Variants in NEURL4 observed in about 807,000 individuals in gnomAD.
The protein encoded by NEURL4 is neuralized-like protein 4.
In NEURL4, 45 loss-of-function variants were observed where a neutral mutation model predicts 148.0. The observed-to-expected ratio is 0.30, with a 90% CI of 0.24 to 0.39. The LOEUF (loss-of-function observed/expected upper bound fraction) is 0.39. Ranked by LOEUF, NEURL4 falls within the 10% of genes least tolerant of loss-of-function variation. The pLI, the probability that NEURL4 is intolerant of heterozygous loss-of-function variation, is 1.00. For synonymous variants in NEURL4, 854 were observed against 869.0 expected (o/e 0.98, Z 0.30); for missense variants, 1,776 against 2,144.0 (o/e 0.83, Z 3.39).
chr17:7,325,146 C>CGGGGGG, intron 8 of NEURL4, 63 bp downstream of exon 8: 2 of 401,118 alleles, frequency 5.0e-6, no homozygotes, highest in Non-Finnish European at 9.0e-6. Flanking sequence ...CACTTCCTTG[C>CGGGGGG]CCCGCCCCCC....
chr17:7,319,516 C>G (rs2072999658), intron 21 of NEURL4, among the ~76,000 whole-genome samples: 1 of 150,026 alleles, frequency 6.7e-6, no homozygotes, highest in Non-Finnish European at 1.5e-5. Context: ...GCCTGACCAA[C>G]ATGGTGAAAC....
chr17:7,316,108 G>C lies in NEURL4; in HGVS notation c.*15C>G. ...CCGCGGCCCGACTGTGCTTGTAGTAGTGGTGTCTCACCCCTCATTCCACCC... is the reference window on the plus strand; with the variant it reads ...CCGCGGCCCGACTGTGCTTGTAGTACTGGTGTCTCACCCCTCATTCCACCC... On this transcript the variant is annotated 3_prime_UTR_variant, in exon 29 of 29. Transcript: ENST00000399464. The C allele has an allele frequency of 7.6e-7, 1 of 1,309,692 alleles. No homozygotes were observed. The highest frequency in any genetic ancestry group is 1.1e-6 in the Non-Finnish European group (1 of 902,262). 81.1% of individuals were successfully genotyped at this position (1,309,692 alleles called of 1,614,324 possible).
rs757971386 is a variant in NEURL4, at chr17:7,326,473, A to G, written c.1168T>C (p.Leu390=). Residue 390 remains leucine, a synonymous_variant, in exon 5 of 29, where the codon TTG becomes CTG. Transcript: ENST00000399464. The surrounding 1 kb of genome is among the most constrained non-coding windows in gnomAD (Gnocchi z 6.0). ...TTGGTCATGGTGGCTGGGTACTCCA[A>G]ACTGTTGGGGTTGTGGGTGGTGACC... ...IGVTTHNPNS[L]EYPATMTNLQ... is the part of the protein sequence containing the mutation. The G allele has an allele frequency of 1.9e-6, 3 of 1,614,092 alleles. No homozygotes were observed. The highest frequency in any genetic ancestry group is 2.5e-6 in the Non-Finnish European group (3 of 1,180,006).
chr17:7,329,206 C>G lies in NEURL4; in HGVS notation c.107G>C (p.Gly36Ala). The G allele has an allele frequency of 6.4e-7, 1 of 1,562,768 alleles. No homozygotes were observed. Among genetic ancestry groups the G allele is most frequent in the Non-Finnish European group, 8.6e-7 (1 of 1,160,054 alleles). Residue 36 changes from glycine (G) to alanine (A), a missense_variant, in exon 1 of 29, where the codon GGG becomes GCG. Coordinates refer to ENST00000399464, the MANE Select transcript of NEURL4 (RefSeq NM_032442.3). ...CAGTTCCCCGCCGCTGCCCAGACCCCCGTTGGACCCCGGTCCTGAGCCGCT... is the reference window on the plus strand; with the variant it reads ...CAGTTCCCCGCCGCTGCCCAGACCCGCGTTGGACCCCGGTCCTGAGCCGCT... ...SGSGSGPGSNGGLGSGGELHP... is the reference protein window; with the variant it reads ...SGSGSGPGSNAGLGSGGELHP...
Position 7,318,827 on chromosome 17 carries a change from C to A in NEURL4, c.3685-153G>T. 7.2e-6 allele frequency: 7 copies of A among 966,516 alleles called. No homozygotes were observed. The highest frequency in any genetic ancestry group is 1.1e-5 in the Non-Finnish European group (7 of 661,996). 59.9% of individuals were successfully genotyped at this position (966,516 alleles called of 1,614,324 possible). On this transcript the variant is annotated intron_variant, in intron 22 of 28. Coordinates refer to ENST00000399464, the MANE Select transcript of NEURL4 (RefSeq NM_032442.3). This position sits in a 1 kb window ranked among gnomAD's most constrained non-coding sequence, Gnocchi z 4.3. Reference sequence around the variant, plus strand: ...CTCCCACTGCAGTTACCTAGAGCCCCTCCCCTTCCCCAAAACTGGCACATT... The same window carrying A: ...CTCCCACTGCAGTTACCTAGAGCCCATCCCCTTCCCCAAAACTGGCACATT...
Position 7,321,645 on chromosome 17 carries a change from G to C in NEURL4, c.3014C>G (p.Thr1005Ser), listed in dbSNP as rs1335696402. 1 of 1,613,978 alleles carries C rather than the reference G, an allele frequency of 6.2e-7. No individual in the cohort carries two copies. Among genetic ancestry groups the C allele is most frequent in the South Asian group, 1.1e-5 (1 of 91,088 alleles). Residue 1005 changes from threonine to serine, a missense_variant, in exon 18 of 29, where the codon ACC becomes AGC. Thr to Ser is a moderately conservative substitution (Grantham distance 58). Coordinates refer to ENST00000399464, the MANE Select transcript of NEURL4 (RefSeq NM_032442.3). The surrounding 1 kb of genome is among the most constrained non-coding windows in gnomAD (Gnocchi z 6.3). ...PPSLPELRTK[T>S]TWMVSSCEVR... is the part of the protein sequence containing the mutation. ...TTCACAGCTGGATACCATCCAAGTG[G>C]TCTTCGTCCGGAGCTCTGGCAGGGA...
Position 7,318,052 on chromosome 17 carries a change from C to A in NEURL4, c.4060+13G>T. 3.1e-6 allele frequency: 5 copies of A among 1,614,012 alleles called. No individual in the cohort carries two copies. The highest frequency in any genetic ancestry group is 4.2e-6 in the Non-Finnish European group (5 of 1,179,840). ...TGGGAATGAAGTCAGTTCTGGCGGA[C>A]TGTGGGACTCACCGGGAAGCAGCAG... On this transcript the variant is annotated intron_variant, in intron 25 of 28. Coordinates refer to ENST00000399464, the MANE Select transcript of NEURL4 (RefSeq NM_032442.3). The surrounding 1 kb of genome is among the most constrained non-coding windows in gnomAD (Gnocchi z 4.3).
chr17:7,327,222 C>T lies in NEURL4; in HGVS notation c.736G>A (p.Val246Met), dbSNP rs1185671085. 6.2e-7 allele frequency: 1 copy of T among 1,610,072 alleles called. No homozygotes were observed. Among genetic ancestry groups the T allele is most frequent in the Non-Finnish European group, 8.5e-7 (1 of 1,178,964 alleles). Residue 246 changes from valine (V) to methionine (M), a missense_variant, in exon 3 of 29, where the codon GTG becomes ATG. Coordinates refer to ENST00000399464, the MANE Select transcript of NEURL4 (RefSeq NM_032442.3). This position sits in a 1 kb window ranked among gnomAD's most constrained non-coding sequence, Gnocchi z 6.6. ...QGTSADEAFM[V>M]SPAQARPETF... is the part of the protein sequence containing the mutation. Reference sequence around the variant, plus strand: ...TCCGGCCGGGCCTGCGCTGGGGACACCATGAAGGCTGGGGACCAGGTGGGA... The same window carrying T: ...TCCGGCCGGGCCTGCGCTGGGGACATCATGAAGGCTGGGGACCAGGTGGGA...
intron 21 of NEURL4, among the ~76,000 whole-genome samples, chr17:7,320,297 G>T (rs925795381): frequency 3.3e-5 from 5 of 152,034 alleles, no homozygotes; most frequent in East Asian, 1.9e-4. Context: ...CATGCCTGGA[G>T]AATTTTTGTA....
In NEURL4 at chr17:7,324,407, C is replaced by T. The variant is rs778364680; in HGVS notation, c.1887G>A (p.Leu629=). The change falls in exon 10 of 29, where the codon CTG becomes CTA. Residue 629 remains leucine (L), a synonymous_variant. Transcript: ENST00000399464. The surrounding 1 kb of genome is among the most constrained non-coding windows in gnomAD (Gnocchi z 5.9). ...TTILDEYGHN[L]DRLKAGDTVG... ...CCCACTTTCCCACCTTGAGGCGGTC[C>T]AGATTGTGCCCGTATTCATCCAGGA... 6.2e-7 allele frequency: 1 copy of T among 1,614,202 alleles called. No homozygotes were observed. The highest frequency in any genetic ancestry group is 8.5e-7 in the Non-Finnish European group (1 of 1,180,028).
rs768741294 is a variant in NEURL4 at position 7,321,349 on chromosome 17, G to T, written c.3198+12C>A. 1.9e-6 allele frequency: 3 copies of T among 1,613,742 alleles called. No individual in the cohort carries two copies. The highest frequency in any genetic ancestry group is 2.5e-6 in the Non-Finnish European group (3 of 1,179,752). On this transcript the variant is annotated intron_variant, in intron 19 of 28. Transcript: ENST00000399464. The surrounding 1 kb of genome is among the most constrained non-coding windows in gnomAD (Gnocchi z 6.3). Reference sequence around the variant, plus strand: ...CCATCCTCCCAGAACCCAAGGAAGCGTTCAGGTCTACCTTGGCAATGCCAG... The same window carrying T: ...CCATCCTCCCAGAACCCAAGGAAGCTTTCAGGTCTACCTTGGCAATGCCAG...
Position 7,318,481 on chromosome 17 carries a change from C to T in NEURL4, c.3864+14G>A. On this transcript the variant is annotated intron_variant, in intron 23 of 28. Transcript: ENST00000399464. The surrounding 1 kb of genome is among the most constrained non-coding windows in gnomAD (Gnocchi z 4.3). ...TCTCAGGCACCCCTCCTCCCTGCCC[C>T]CACTGCCACTAACCTGCTCACACTG... 1 of 1,600,966 alleles carries T rather than the reference C, an allele frequency of 6.2e-7. No homozygotes were observed. The highest frequency in any genetic ancestry group is 8.5e-7 in the Non-Finnish European group (1 of 1,171,914).
In NEURL4 at chr17:7,327,717, C is replaced by G; in HGVS notation, c.450G>C (p.Leu150=). 6.2e-7 allele frequency: 1 copy of G among 1,614,102 alleles called. No homozygotes were observed. Among genetic ancestry groups the G allele is most frequent in the Non-Finnish European group, 8.5e-7 (1 of 1,180,042 alleles). ...RSVLEEYGQD[L]DQLGEGDRVG... ...CGCGGTCCCCTTCACCAAGCTGGTC[C>G]AGGTCCTGACCATACTCCTCCAACA... The change falls in exon 2 of 29, where the codon CTG becomes CTC. Residue 150 remains leucine, a synonymous_variant. Transcript: ENST00000399464. The surrounding 1 kb of genome is among the most constrained non-coding windows in gnomAD (Gnocchi z 6.6).
chr17:7,316,364 C>G, intron 28 of NEURL4, 37 bp from the exon 29 acceptor site: 1 of 1,540,036 alleles, frequency 6.5e-7, no homozygotes, highest in Non-Finnish European at 8.9e-7. Context: ...TGAAGCCTCT[C>G]GCCCCATCAC....
Position 7,316,034 on chromosome 17 carries a change from C to T in NEURL4, c.*89G>A. ...CAAGCTCCAGCACCTGCGCATGCCA[C>T]GAGTCACGGGAATGAGGTGGAGGCA... is the stretch of plus-strand genomic sequence containing the variant. On this transcript the variant is annotated 3_prime_UTR_variant, in exon 29 of 29. Transcript: ENST00000399464. 1.3e-6 allele frequency: 1 copy of T among 788,594 alleles called. No homozygotes were observed. Among genetic ancestry groups the T allele is most frequent in the Non-Finnish European group, 2.3e-6 (1 of 437,626 alleles). 48.8% of individuals were successfully genotyped at this position (788,594 alleles called of 1,614,324 possible). A position where few individuals can be genotyped will look rare whatever the true frequency, so the allele number is the denominator to read the frequency against.
At position 7,321,920 on chromosome 17, in the gene NEURL4, T is replaced by C. The variant is rs966832326; in HGVS notation, c.2816A>G (p.Tyr939Cys). The C allele has an allele frequency of 3.7e-6, 6 of 1,613,912 alleles. No individual in the cohort carries two copies. In the African/African-American group the frequency reaches 5.3e-5, roughly 14 times the overall value. Residue 939 changes from tyrosine to cysteine, a missense_variant, in exon 17 of 29, where the codon TAT (tyrosine) becomes TGT (cysteine). Coordinates refer to ENST00000399464, the MANE Select transcript of NEURL4 (RefSeq NM_032442.3). This position sits in a 1 kb window ranked among gnomAD's most constrained non-coding sequence, Gnocchi z 6.3. Reference protein sequence around the residue: ...DGTRAVRAAGYAHGLVFSTKE... With the variant: ...DGTRAVRAAGCAHGLVFSTKE... ...GGTACTGAAGACAAGGCCATGAGCA[T>C]AGCCAGCGGCACGCACTGCCCTCGT...
At chr17:7,319,267 C>G in intron 21 of NEURL4, 59 bp from the exon 22 acceptor site, 1 of 1,492,674 alleles carries the variant, frequency 6.7e-7, no homozygotes. Flanking sequence ...AGGCTCCGCA[C>G]CCCAGCCAGA....
At chr17:7,319,242 C>G (rs750719165) in intron 21 of NEURL4, 34 bp from the exon 22 acceptor site, 3 of 1,576,006 alleles carry the variant, frequency 1.9e-6, no homozygotes, top group East Asian at 4.5e-5. Flanking sequence ...TAATCACAGC[C>G]TCCTGGGAAG....
At chr17:7,325,159 C>G (rs1369153279) in intron 8 of NEURL4, 50 bp downstream of exon 8, 2 of 817,060 alleles carry the variant, frequency 2.4e-6, no homozygotes, top group Non-Finnish European at 3.9e-6. Context: ...CGCCCCCCCC[C>G]CCCCATTAGA....
Sources: gnomAD v4.1 joint callset for allele counts (sites outside exome capture counted in the v4.1 genomes callset) on GRCh38, gnomAD v4.1.1 for gene constraint, Gnocchi (gnomAD v3.1) non-coding constraint, MANE v1.5 for transcripts, NCBI Gene and HGNC (gene_info 2026-07-23, HGNC 2026-07-21) for gene names.